Variants in SPATS2 observed in about 807,000 individuals in gnomAD.
The protein encoded by SPATS2 is spermatogenesis associated serine rich 2.
SPATS2 carries 38 observed loss-of-function variants against 63.7 expected under a neutral mutation model. The observed-to-expected ratio is 0.60, with a 90% CI of 0.46 to 0.78. The LOEUF is 0.78. Ranked by LOEUF, SPATS2 falls within the 30% of genes least tolerant of loss-of-function variation. The pLI is 0.00. For synonymous variants in SPATS2, 207 were observed against 232.9 expected, an observed-to-expected ratio of 0.89 and a Z score of 1.01; for missense variants, 588 against 666.2, an observed-to-expected ratio of 0.88 and a Z score of 1.29.
chr12:49,428,284 A>G (rs961530290), intron 2 of SPATS2, among the ~76,000 whole-genome samples: 13 of 152,222 alleles, frequency 8.5e-5, no homozygotes, highest in African/African-American at 2.6e-4. Flanking sequence ...AAAAAAAAAA[A>G]ACAAAAATTC....
chr12:49,467,160 C>T (rs1221763618), intron 3 of SPATS2, among the ~76,000 whole-genome samples: 3 of 149,688 alleles, frequency 2.0e-5, no homozygotes, highest in Non-Finnish European at 4.4e-5. Flanking sequence ...GAGATTTCCC[C>T]TGCCTCAACC....
intron 2 of SPATS2, among the ~76,000 whole-genome samples, chr12:49,399,533 A>G (rs971331851): frequency 6.6e-6 from 1 of 152,198 alleles, no homozygotes; most frequent in Admixed American, 6.5e-5. Context: ...TTGTGTCTCA[A>G]CTTTGATGGT....
chr12:49,367,522 C>T lies in SPATS2; in HGVS notation c.-372C>T, dbSNP rs1943919771. ...AGGATCTCCTTTCCTCTTCTCAGACCCGGGAGCGTCCGGGACGCGGAGCCC... is the reference window on the plus strand; with the variant it reads ...AGGATCTCCTTTCCTCTTCTCAGACTCGGGAGCGTCCGGGACGCGGAGCCC... On this transcript the variant is annotated 5_prime_UTR_variant, in exon 1 of 14. Coordinates refer to ENST00000552918, the MANE Select transcript of SPATS2 (RefSeq NM_023071.4). 1 of 398,320 alleles carries T rather than the reference C, an allele frequency of 2.5e-6. No individual in the cohort carries two copies. Among genetic ancestry groups the T allele is most frequent in the Admixed American group, 4.4e-5 (1 of 22,666 alleles). 24.7% of individuals were successfully genotyped at this position (398,320 alleles called of 1,614,324 possible).
At chr12:49,453,013 G>A (rs1016279422) in intron 2 of SPATS2, among the ~76,000 whole-genome samples, 2 of 151,964 alleles carry the variant, frequency 1.3e-5, no homozygotes, top group Non-Finnish European at 2.9e-5. Flanking sequence ...AAAAAAATTA[G>A]CCGGACGTGA....
intron 2 of SPATS2, among the ~76,000 whole-genome samples, chr12:49,436,683 G>A (rs1308975569): frequency 1.4e-4 from 19 of 133,762 alleles, no homozygotes; most frequent in African/African-American, 3.4e-4. Context: ...AGGGGCGGCC[G>A]GGCAGAGGCG....
At chr12:49,469,683 G>T in intron 3 of SPATS2, 1 of 364,582 alleles carries the variant, frequency 2.7e-6, no homozygotes, top group South Asian at 2.2e-5. Context: ...TTGAGGTCAG[G>T]AGTTCAAGAC....
At chr12:49,434,453 G>A (rs374082420) in intron 2 of SPATS2, among the ~76,000 whole-genome samples, 1 of 151,984 alleles carries the variant, frequency 6.6e-6, no homozygotes, top group Non-Finnish European at 1.5e-5. Context: ...CCTCCTCCCC[G>A]CCAGCCCTTG....
chr12:49,399,261 CTCCT>C (rs1423045643), intron 2 of SPATS2, among the ~76,000 whole-genome samples: 4 of 152,202 alleles, frequency 2.6e-5, no homozygotes, highest in African/African-American at 7.2e-5. Flanking sequence ...GAAAGCAGCA[CTCCT>C]TCCTTTATTT....
At chr12:49,481,756 T>G (rs1239420264) in intron 3 of SPATS2, among the ~76,000 whole-genome samples, 1 of 152,014 alleles carries the variant, frequency 6.6e-6, no homozygotes, top group Non-Finnish European at 1.5e-5. Flanking sequence ...AGCCACTGCA[T>G]CTGGCCTAGG....
At chr12:49,462,284 C>T (rs1188613171) in intron 3 of SPATS2, 11 of 702,168 alleles carry the variant, frequency 1.6e-5, no homozygotes, top group African/African-American at 7.0e-5. Flanking sequence ...GGAAGGAGAG[C>T]GCGAGTGAAC....
chr12:49,498,145 A>AAAAAAAATATATATATATAT (rs66900382), intron 8 of SPATS2, among the ~76,000 whole-genome samples: 5 of 98,978 alleles, frequency 5.1e-5, no homozygotes, highest in Non-Finnish European at 3.8e-5. Flanking sequence ...AAAAAAAAAA[A>AAAAAAAATATATATATATAT]ATATATATAT....
At position 49,437,229 on chromosome 12, in the gene SPATS2, C is replaced by T. The variant is rs1426253764; in HGVS notation, c.-243-23541C>T. 3.3e-3 allele frequency among the ~76,000 whole-genome samples: 501 copies of T among 150,912 alleles called. 3 individuals are homozygous for T. The highest frequency in any genetic ancestry group is 0.011 in the African/African-American group (471 of 40,986). ...GCAGAGACGCTCCTCACATCCCAGA[C>T]GGGGCGGCAGGGCAGAGGCGCTCCC... On this transcript the variant is annotated intron_variant, in intron 2 of 13. Transcript: ENST00000552918.
At chr12:49,384,095 ATAGAC>A (rs1005056205) in intron 2 of SPATS2, among the ~76,000 whole-genome samples, 1 of 152,320 alleles carries the variant, frequency 6.6e-6, no homozygotes, top group Admixed American at 6.5e-5. Flanking sequence ...GTACACTATT[ATAGAC>A]TTGATTTGGA....
At position 49,526,272 on chromosome 12, in the gene SPATS2, C is replaced by T. The variant is rs1213591756; in HGVS notation, c.*17C>T. 6.9e-6 allele frequency: 11 copies of T among 1,585,918 alleles called. No individual in the cohort carries two copies. Among genetic ancestry groups the T allele is most frequent in the Non-Finnish European group, 9.4e-6 (11 of 1,167,630 alleles). Reference sequence around the variant, plus strand: ...AACTCTTGAGAGAAAATCCAGTTGGCCTCTCTCCTCTATCCACACAATTCA... The same window carrying T: ...AACTCTTGAGAGAAAATCCAGTTGGTCTCTCTCCTCTATCCACACAATTCA... On this transcript the variant is annotated 3_prime_UTR_variant, in exon 14 of 14. Transcript: ENST00000552918.
intron 2 of SPATS2, among the ~76,000 whole-genome samples, chr12:49,420,410 A>G (rs1390624444): frequency 6.6e-6 from 1 of 152,138 alleles, no homozygotes; most frequent in South Asian, 2.1e-4. Flanking sequence ...CCTGGCCAAC[A>G]TGGGGAAACC....
At chr12:49,392,461 G>A (rs577060397) in intron 2 of SPATS2, among the ~76,000 whole-genome samples, 2 of 152,320 alleles carry the variant, frequency 1.3e-5, no homozygotes, top group East Asian at 3.9e-4. Flanking sequence ...GCTCACACCT[G>A]TAGTCCCAGC....
At chr12:49,432,375 G>A (rs999202754) in intron 2 of SPATS2, among the ~76,000 whole-genome samples, 8 of 152,210 alleles carry the variant, frequency 5.3e-5, no homozygotes, top group Non-Finnish European at 8.8e-5. Context: ...GGGACGCTGA[G>A]GCAGAAGAGT....
At chr12:49,472,856 A>G (rs796975373) in intron 3 of SPATS2, among the ~76,000 whole-genome samples, 5 of 150,828 alleles carry the variant, frequency 3.3e-5, no homozygotes, top group African/African-American at 1.2e-4. Flanking sequence ...CCTGGGCAAC[A>G]TGGCTAAACC....
chr12:49,435,781 A>G (rs1945269644), intron 2 of SPATS2, among the ~76,000 whole-genome samples: 1 of 146,968 alleles, frequency 6.8e-6, no homozygotes. Flanking sequence ...TAGGCAGAGG[A>G]CCCTGCGGCC....
Sources: allele counts gnomAD v4.1 joint callset (sites outside exome capture counted in the v4.1 genomes callset), GRCh38; gene constraint gnomAD v4.1.1; transcripts MANE v1.5; gene names NCBI Gene and HGNC (gene_info 2026-07-23, HGNC 2026-07-21).